The following TJP2 variants were observed in gnomAD, a reference collection of about 807,000 sequenced individuals.
The protein encoded by TJP2 is tight junction protein 2.
Under a neutral mutation model 133.1 loss-of-function variants are expected in TJP2, and 91 were observed. That is an observed-to-expected ratio of 0.68 (90% CI 0.58 to 0.81). The LOEUF (loss-of-function observed/expected upper bound fraction) is 0.81, where lower values mean the gene tolerates loss of function less well. Among genes scored for constraint, TJP2 ranks in the 40% least tolerant of loss-of-function variants. The probability of loss-of-function intolerance (pLI) is 0.00; values close to 1 mark genes in which losing one functional copy is unlikely to be tolerated. For synonymous variants in TJP2, 592 were observed against 583.4 expected (o/e 1.01, Z -0.21); for missense variants, 1,541 against 1,565.6 (o/e 0.98, Z 0.26).
intron 19 of TJP2, 60 bp downstream of exon 19, chr9:69,248,284 G>A (rs1048228580): frequency 9.1e-6 from 14 of 1,530,342 alleles, no homozygotes; most frequent in African/African-American, 4.1e-5. Context: ...TTGCACTCTC[G>A]TGGACAGCTG....
intron 1 of TJP2, among the ~76,000 whole-genome samples, chr9:69,199,771 C>T (rs904222529): frequency 5.9e-5 from 9 of 152,104 alleles, no homozygotes; most frequent in Non-Finnish European, 1.3e-4. Flanking sequence ...GTATTAAGGA[C>T]TCAGCATGTG....
Position 69,237,040 on chromosome 9 carries a change from G to C in TJP2, c.2083G>C (p.Val695Leu), listed in dbSNP as rs140497048. 1.9e-6 allele frequency: 3 copies of C among 1,614,180 alleles called. No homozygotes were observed. The African/African-American group carries it at 4.0e-5, about 22-fold the overall frequency. Residue 695 changes from valine to leucine, a missense_variant, in exon 14 of 23, where the codon GTG (valine) becomes CTG (leucine). Transcript: ENST00000377245. ...FWRMRGQRSG[V>L]KKNLRKSRED... ...GAGAATGCGTGGCCAGAGGTCTGGG[G>C]TGAAGAAGAACCTGAGGAAAAGTCG...
Position 69,236,076 on chromosome 9 carries a change from G to C in TJP2, c.1829G>C (p.Arg610Thr). ...GGCAGAGGGGATTCGTTTTTTATAA[G>C]AAGCCACTTTGAATGTGAGAAGGAA... ...ACGRGDSFFI[R>T]SHFECEKETP... The change falls in exon 13 of 23, where the codon AGA (arginine) becomes ACA (threonine). Residue 610 changes from arginine (R) to threonine (T), a missense_variant. Transcript: ENST00000377245. 6.2e-7 allele frequency: 1 copy of C among 1,614,180 alleles called. No individual in the cohort carries two copies. Among genetic ancestry groups the C allele is most frequent in the Non-Finnish European group, 8.5e-7 (1 of 1,180,020 alleles).
At chr9:69,212,665 AT>A in intron 2 of TJP2, 64 bp downstream of exon 2, 1 of 1,400,560 alleles carries the variant, frequency 7.1e-7, no homozygotes, top group Non-Finnish European at 1.0e-6. Flanking sequence ...CATGGATCTT[AT>A]TTATTTTCAC....
chr9:69,166,852 G>C (rs1421514577), intron 2 of TJP2, among the ~76,000 whole-genome samples: 1 of 152,248 alleles, frequency 6.6e-6, no homozygotes. Flanking sequence ...TGGAAGGACT[G>C]CTTGAGCCCA....
intron 1 of TJP2, among the ~76,000 whole-genome samples, chr9:69,195,461 G>A (rs1221609080): frequency 1.3e-5 from 2 of 151,262 alleles, no homozygotes; most frequent in Non-Finnish European, 2.9e-5. Context: ...TTGGACTCAT[G>A]CAAATTTGCA....
intron 2 of TJP2, among the ~76,000 whole-genome samples, chr9:69,163,032 T>TTA (rs1824168678): frequency 2.1e-5 from 2 of 96,626 alleles, no homozygotes; most frequent in Admixed American, 1.2e-4. Flanking sequence ...TTTATTTTAT[T>TTA]TTTTTTTTTT....
At chr9:69,174,193 G>A (rs1824871743), upstream of TJP2, 13 of 1,384,634 alleles carry the variant, frequency 9.4e-6, no homozygotes, top group Non-Finnish European at 1.1e-5. Context: ...GGTCGGGGGC[G>A]GGCTGACGCC....
intron 1 of TJP2, among the ~76,000 whole-genome samples, chr9:69,202,144 T>C (rs1827038396): frequency 6.6e-6 from 1 of 152,134 alleles, no homozygotes; most frequent in Non-Finnish European, 1.5e-5. Flanking sequence ...AAGTTGAAGA[T>C]CAAGGCAACA....
chr9:69,254,036 C>A, intron 22 of TJP2, 173 bp from the exon 23 acceptor site: 1 of 751,866 alleles, frequency 1.3e-6, no homozygotes, highest in East Asian at 2.5e-5. Flanking sequence ...TGGATTTGAC[C>A]TATTACGAAC....
chr9:69,186,996 G>C (rs1472993554), intron 1 of TJP2, among the ~76,000 whole-genome samples: 1 of 152,086 alleles, frequency 6.6e-6, no homozygotes, highest in Non-Finnish European at 1.5e-5. Flanking sequence ...AAACAGGACT[G>C]GGCTAAAAAT....
intron 15 of TJP2, among the ~76,000 whole-genome samples, chr9:69,238,496 G>A (rs999574935): frequency 1.3e-5 from 2 of 152,048 alleles, no homozygotes; most frequent in South Asian, 2.1e-4. Context: ...AAGAATCCAA[G>A]CTAGTTGTCT....
At chr9:69,122,256 G>C (rs1039901299) in intron 1 of TJP2, 1 of 152,324 alleles carries the variant, frequency 6.6e-6, no homozygotes, top group Admixed American at 6.5e-5. Flanking sequence ...GGTGGGGGCA[G>C]GAGCCGGTGC....
chr9:69,217,458 T>G (rs1828476353), intron 3 of TJP2, among the ~76,000 whole-genome samples: 1 of 152,186 alleles, frequency 6.6e-6, no homozygotes, highest in Admixed American at 6.5e-5. Context: ...CCTATAATCC[T>G]GCACTTTGGG....
intron 1 of TJP2, among the ~76,000 whole-genome samples, chr9:69,199,411 G>A (rs1480990777): frequency 6.6e-6 from 1 of 152,046 alleles, no homozygotes; most frequent in Admixed American, 6.6e-5. Flanking sequence ...GTGCCTTTAA[G>A]TCCCAGCTAC....
intron 2 of TJP2, among the ~76,000 whole-genome samples, chr9:69,167,931 T>A (rs1311784348): frequency 6.6e-6 from 1 of 151,496 alleles, no homozygotes; most frequent in African/African-American, 2.4e-5. Flanking sequence ...TTCTTTGAGA[T>A]ACTAGAAACG....
upstream of TJP2, among the ~76,000 whole-genome samples, chr9:69,172,230 T>TA (rs1359404767): frequency 4.6e-5 from 7 of 152,364 alleles, no homozygotes; most frequent in Non-Finnish European, 8.8e-5. Flanking sequence ...AAAAAGCTAA[T>TA]ATATCAACTG....
At chr9:69,252,786 C>T (rs760554262) in intron 21 of TJP2, 29 bp from the exon 22 acceptor site, 2 of 1,608,906 alleles carry the variant, frequency 1.2e-6, no homozygotes, top group Non-Finnish European at 1.7e-6. Context: ...TTCTTTCACT[C>T]TTATTCTTTT....
chr9:69,249,637 G>T, intron 20 of TJP2, 152 bp downstream of exon 20: 4 of 1,509,442 alleles, frequency 2.6e-6, no homozygotes, highest in Non-Finnish European at 3.5e-6. Flanking sequence ...CTTTTGGCCT[G>T]TTGGGTGAAC....
Sources: allele counts gnomAD v4.1 joint callset (sites outside exome capture counted in the v4.1 genomes callset), GRCh38; gene constraint gnomAD v4.1.1; transcripts MANE v1.5; gene names NCBI Gene and HGNC (gene_info 2026-07-23, HGNC 2026-07-21).